Variants in SNURF observed in about 807,000 individuals in gnomAD.
SNURF encodes the protein SNURF protein.
A neutral mutation model predicts 11.6 loss-of-function variants in SNURF; 6 were observed. The ratio of observed to expected loss-of-function variants is 0.52; its 90% CI spans 0.28 to 1.02. The LOEUF is 1.02. Ranked by LOEUF, SNURF falls within the 50% of genes least tolerant of loss-of-function variation. The pLI is 0.09. For synonymous variants in SNURF, 29 were observed against 31.6 expected, an observed-to-expected ratio of 0.92 and a Z score of 0.27; for missense variants, 84 against 88.4, an observed-to-expected ratio of 0.95 and a Z score of 0.20.
chr15:24,959,690 C>T (rs542841745), intron 1 of SNURF, among the ~76,000 whole-genome samples: 4 of 152,244 alleles, frequency 2.6e-5, no homozygotes, highest in Non-Finnish European at 4.4e-5. Context: ...GTGTGCCCAC[C>T]ATAATGTAGC....
intron 3 of SNURF, chr15:24,974,717 AT>A: frequency 1.6e-6 from 1 of 607,372 alleles, no homozygotes; most frequent in Non-Finnish European, 2.9e-6. Flanking sequence ...GGTTCAAGAG[AT>A]TCTCGTGCCT....
At chr15:24,965,641 G>A (rs1596264287) in intron 2 of SNURF, among the ~76,000 whole-genome samples, 2 of 152,188 alleles carry the variant, frequency 1.3e-5, no homozygotes, top group Admixed American at 6.5e-5. Flanking sequence ...GCTGGATGAT[G>A]TATCGTGAGT....
downstream of SNURF, chr15:24,978,477 C>T (rs374839284): frequency 6.9e-6 from 11 of 1,593,894 alleles, no homozygotes; most frequent in African/African-American, 1.3e-4. Flanking sequence ...CACTTTTTCC[C>T]CTGCAATGCG....
At chr15:24,970,125 G>A (rs537103620), downstream of SNURF, among the ~76,000 whole-genome samples, 11 of 152,156 alleles carry the variant, frequency 7.2e-5, no homozygotes, top group South Asian at 2.1e-4. Context: ...ACATTACAGC[G>A]TAGACAATCA....
downstream of SNURF, among the ~76,000 whole-genome samples, chr15:24,968,999 C>T (rs956750042): frequency 5.3e-5 from 8 of 151,692 alleles, no homozygotes; most frequent in African/African-American, 1.9e-4. Context: ...TTACTTTTTA[C>T]AAAGTAAGAG....
rs778377202 is a variant in SNURF at position 24,968,042 on chromosome 15, A to G, written c.*5A>G. 19 of 1,613,424 alleles carry G rather than the reference A, an allele frequency of 1.2e-5. No individual in the cohort carries two copies. The East Asian group carries it at 3.6e-4, about 30-fold the overall frequency. On this transcript the variant is annotated 3_prime_UTR_variant, in exon 3 of 3. Coordinates refer to ENST00000577949, the Ensembl canonical transcript of SNURF. The stretch of plus-strand genomic sequence containing the variant: ...GAGACACCAAGAGGTGGTTAAAGCC[A>G]TATTGGAGTAGCGAGGAATCTGATT...
chr15:24,969,046 G>A (rs535871093), downstream of SNURF, among the ~76,000 whole-genome samples: 11 of 152,128 alleles, frequency 7.2e-5, no homozygotes, highest in East Asian at 1.5e-3. Context: ...ATTCCTTCTA[G>A]CCTTTTTTTA....
chr15:24,966,699 C>T (rs554666547), intron 2 of SNURF, among the ~76,000 whole-genome samples: 1 of 152,308 alleles, frequency 6.6e-6, no homozygotes, highest in East Asian at 1.9e-4. Flanking sequence ...GTATAGGTTA[C>T]TTCCCAGGAA....
chr15:24,975,784 T>C (rs1386605479), intron 4 of SNURF, among the ~76,000 whole-genome samples: 3 of 152,026 alleles, frequency 2.0e-5, no homozygotes, highest in Non-Finnish European at 2.9e-5. Flanking sequence ...TTGAGAAAAA[T>C]GCTATATTAA....
downstream of SNURF, among the ~76,000 whole-genome samples, chr15:24,972,072 G>A (rs142697035): frequency 2.3e-3 from 344 of 152,104 alleles, no homozygotes; most frequent in African/African-American, 7.9e-3. Context: ...CCTGGCCAAC[G>A]TAGCGAAATT....
At chr15:24,958,307 A>G (rs2063245557) in intron 1 of SNURF, among the ~76,000 whole-genome samples, 1 of 151,530 alleles carries the variant, frequency 6.6e-6, no homozygotes, top group African/African-American at 2.4e-5. Flanking sequence ...TCATTTAAGC[A>G]GGTTGTGAGT....
Position 24,957,769 on chromosome 15 carries a change from C to T in SNURF, c.14+2707C>T, listed in dbSNP as rs948286071. 3.3e-5 allele frequency among the ~76,000 whole-genome samples: 5 copies of T among 151,936 alleles called. No homozygotes were observed. The South Asian group carries it at 1.0e-3, about 32-fold the overall frequency. ...TTCTGCTTGCATGAAGATAGCAGTT[C>T]ACATACATATATTTCTTGGTTTAAC... On this transcript the variant is annotated intron_variant, in intron 1 of 2. Transcript: ENST00000577949.
At chr15:24,959,845 C>G (rs1299924467) in intron 1 of SNURF, among the ~76,000 whole-genome samples, 3 of 152,148 alleles carry the variant, frequency 2.0e-5, no homozygotes, top group Non-Finnish European at 4.4e-5. Flanking sequence ...ACGTATAATA[C>G]GTTTAATACA....
chr15:24,978,305 A>G (rs2153722090), downstream of SNURF: 3 of 1,614,130 alleles, frequency 1.9e-6, no homozygotes, highest in East Asian at 6.7e-5. Flanking sequence ...GACCCCCTCC[A>G]CCAGGCATTA....
At chr15:24,965,393 C>T (rs28581172) in intron 2 of SNURF, among the ~76,000 whole-genome samples, 216 of 152,070 alleles carry the variant, frequency 1.4e-3, no homozygotes, top group African/African-American at 4.7e-3. Context: ...AAAAATCAGC[C>T]GGGTGTGGTA....
chr15:24,963,617 G>GAA lies in SNURF; in HGVS notation c.110+1420_110+1421dup, dbSNP rs796727910. 6.9e-3 allele frequency among the ~76,000 whole-genome samples: 902 copies of GAA among 131,586 alleles called. 2 individuals are homozygous for GAA. Among genetic ancestry groups the GAA allele is most frequent in the African/African-American group, 9.5e-3 (346 of 36,526 alleles). 86.3% of individuals were successfully genotyped at this position (131,586 alleles called of 152,430 possible). On this transcript the variant is annotated intron_variant, in intron 2 of 2. Coordinates refer to ENST00000577949, the Ensembl canonical transcript of SNURF. ...GTGACAGAGCAAGACTCCATCTCAG[G>GAA]AAAAAAAAAAAAAGAAAATGCAGTG...
At chr15:24,968,317 G>T in exon 3 of SNURF, 2 of 309,934 alleles carry the variant, frequency 6.5e-6, no homozygotes, top group East Asian at 7.2e-5. Flanking sequence ...GTTTTCTTTT[G>T]CGTTTTTTTT....
chr15:24,966,692 T>C (rs1298645287), intron 2 of SNURF, among the ~76,000 whole-genome samples: 1 of 152,198 alleles, frequency 6.6e-6, no homozygotes, highest in African/African-American at 2.4e-5. Context: ...ATAGGATGTA[T>C]AGGTTACTTC....
intron 2 of SNURF, among the ~76,000 whole-genome samples, chr15:24,966,595 T>G (rs571880833): frequency 6.6e-6 from 1 of 152,274 alleles, no homozygotes; most frequent in East Asian, 1.9e-4. Context: ...TCTTGAGACA[T>G]CTCATTACCA....
Sources: gnomAD v4.1 joint callset for allele counts (sites outside exome capture counted in the v4.1 genomes callset) on GRCh38, gnomAD v4.1.1 for gene constraint, MANE v1.5 for transcripts, NCBI Gene and HGNC (gene_info 2026-07-23, HGNC 2026-07-21) for gene names.